Variants in RHBDD1 observed in about 807,000 individuals in gnomAD.
RHBDD1 encodes the protein rhomboid-related protein 4.
In RHBDD1, 38 loss-of-function variants were observed where a neutral mutation model predicts 36.3. The observed-to-expected ratio is 1.05, with a 90% CI of 0.81 to 1.37. The LOEUF (loss-of-function observed/expected upper bound fraction) is 1.37, where lower values mean the gene tolerates loss of function less well. Ranked by LOEUF, RHBDD1 falls within the 40% of genes most tolerant of loss-of-function variation. The pLI is 0.00. For missense variants in RHBDD1, 393 were observed against 377.6 expected (o/e 1.04, Z -0.34); for synonymous variants, 151 against 136.5 (o/e 1.11, Z -0.74).
At chr2:226,913,202 G>A (rs1948642339) in intron 7 of RHBDD1, among the ~76,000 whole-genome samples, 4 of 152,084 alleles carry the variant, frequency 2.6e-5, no homozygotes. Context: ...CTGTACTGCT[G>A]TACTCTGTGG....
rs115629765 is a variant in RHBDD1, at chr2:226,900,534, C to A, written c.567-6259C>A. On this transcript the variant is annotated intron_variant, in intron 5 of 8. Transcript: ENST00000392062. ...CAGAAGAAATAAAGCTTTTAAGTTA[C>A]CAATTTTAGGATATAATAATATATT... is the stretch of plus-strand genomic sequence containing the variant. Among the ~76,000 whole-genome samples, 950 of 152,072 alleles carry A rather than the reference C, an allele frequency of 6.2e-3. 8 individuals carry two copies. The highest frequency in any genetic ancestry group is 0.022 in the African/African-American group (900 of 41,478).
the RHBDD1 span, among the ~76,000 whole-genome samples, chr2:226,822,798 T>G: frequency 1.3e-5 from 2 of 152,114 alleles, no homozygotes; most frequent in East Asian, 1.9e-4. Flanking sequence ...GACATGAGGA[T>G]GGAGCCTTGT....
At chr2:226,842,641 C>CT (rs1237906311) in intron 3 of RHBDD1, among the ~76,000 whole-genome samples, 4 of 152,148 alleles carry the variant, frequency 2.6e-5, no homozygotes, top group African/African-American at 9.7e-5. Flanking sequence ...TTCCATCTGT[C>CT]TATGTATCTG....
At chr2:226,951,476 A>C (rs1338771267) in intron 8 of RHBDD1, among the ~76,000 whole-genome samples, 1 of 152,208 alleles carries the variant, frequency 6.6e-6, no homozygotes, top group Admixed American at 6.5e-5. Flanking sequence ...TAAAATATTC[A>C]TGAAAAGTTT....
intron 5 of RHBDD1, among the ~76,000 whole-genome samples, chr2:226,892,137 A>G (rs1167653233): frequency 6.6e-6 from 1 of 152,194 alleles, no homozygotes; most frequent in African/African-American, 2.4e-5. Context: ...TTCAGCTCAA[A>G]TGGGCAGATT....
intron 3 of RHBDD1, among the ~76,000 whole-genome samples, chr2:226,842,031 A>G (rs1941692855): frequency 6.6e-6 from 1 of 152,016 alleles, no homozygotes; most frequent in African/African-American, 2.4e-5. Flanking sequence ...TTTGATTTGC[A>G]TTTCTCTAAT....
intron 8 of RHBDD1, among the ~76,000 whole-genome samples, chr2:226,987,034 G>A (rs1368926213): frequency 6.6e-6 from 1 of 152,184 alleles, no homozygotes; most frequent in Non-Finnish European, 1.5e-5. Context: ...GCAGGGACAT[G>A]GATGAAGCTG....
intron 7 of RHBDD1, among the ~76,000 whole-genome samples, chr2:226,910,826 C>T (rs939692332): frequency 6.6e-6 from 1 of 152,018 alleles, no homozygotes; most frequent in Non-Finnish European, 1.5e-5. Context: ...TTTGGTCCTA[C>T]GGGAGGAGAT....
intron 5 of RHBDD1, among the ~76,000 whole-genome samples, chr2:226,893,500 T>C (rs555655710): frequency 6.6e-6 from 1 of 152,346 alleles, no homozygotes; most frequent in African/African-American, 2.4e-5. Context: ...GTGGGAACTT[T>C]TATTGCGTAT....
intron 8 of RHBDD1, among the ~76,000 whole-genome samples, chr2:226,960,049 T>G (rs1237794405): frequency 6.6e-6 from 1 of 152,148 alleles, no homozygotes; most frequent in African/African-American, 2.4e-5. Context: ...GGTCTCAAAC[T>G]CCTGACCTTG....
intron 8 of RHBDD1, among the ~76,000 whole-genome samples, chr2:226,927,273 A>G (rs545245343): frequency 1.3e-5 from 2 of 152,150 alleles, no homozygotes; most frequent in African/African-American, 2.4e-5. Context: ...TCTATTAACT[A>G]TATTGATAAT....
chr2:226,939,482 C>G (rs948043596), intron 8 of RHBDD1, among the ~76,000 whole-genome samples: 6 of 152,188 alleles, frequency 3.9e-5, no homozygotes, highest in African/African-American at 1.4e-4. Flanking sequence ...ACACCAACAA[C>G]AGACAAGCTG....
chr2:226,818,415 C>T, the RHBDD1 span, among the ~76,000 whole-genome samples: 1 of 151,058 alleles, frequency 6.6e-6, no homozygotes, highest in Non-Finnish European at 1.5e-5. Context: ...ATCTGCTCAC[C>T]TCGGCCTCCC....
At chr2:226,851,687 T>G (rs893270262) in intron 3 of RHBDD1, among the ~76,000 whole-genome samples, 2 of 152,186 alleles carry the variant, frequency 1.3e-5, no homozygotes, top group East Asian at 1.9e-4. Flanking sequence ...TGGAATGAAT[T>G]AATTGTGAAT....
chr2:226,951,603 A>T (rs941784823), intron 8 of RHBDD1, among the ~76,000 whole-genome samples: 1 of 152,246 alleles, frequency 6.6e-6, no homozygotes, highest in African/African-American at 2.4e-5. Context: ...TTCAGTAGAT[A>T]TCGGGGAAAG....
intron 8 of RHBDD1, among the ~76,000 whole-genome samples, chr2:226,934,946 G>A (rs1333073683): frequency 2.6e-5 from 4 of 151,632 alleles, no homozygotes; most frequent in Non-Finnish European, 4.4e-5. Context: ...ATCTGCCAGC[G>A]TGCAGCATGG....
At chr2:226,961,850 A>G (rs1182710651) in intron 8 of RHBDD1, among the ~76,000 whole-genome samples, 12 of 152,170 alleles carry the variant, frequency 7.9e-5, no homozygotes, top group Admixed American at 7.9e-4. Flanking sequence ...CACAGGTTCT[A>G]TTGCTGTCTC....
intron 8 of RHBDD1, among the ~76,000 whole-genome samples, chr2:226,963,107 C>G (rs1336423152): frequency 6.6e-6 from 1 of 152,054 alleles, no homozygotes; most frequent in Non-Finnish European, 1.5e-5. Context: ...AAAAGTGTCC[C>G]CAGATGTTGC....
chr2:226,817,015 A>G, the RHBDD1 span, among the ~76,000 whole-genome samples: 1 of 152,248 alleles, frequency 6.6e-6, no homozygotes, highest in Admixed American at 6.5e-5. Context: ...AAACATAAGA[A>G]AATGTATAGT....
Sources: allele counts gnomAD v4.1 joint callset (sites outside exome capture counted in the v4.1 genomes callset), GRCh38; gene constraint gnomAD v4.1.1; transcripts MANE v1.5; gene names NCBI Gene and HGNC (gene_info 2026-07-23, HGNC 2026-07-21).